Variants in ABCC3 observed in about 807,000 individuals in gnomAD.
ABCC3 encodes ATP binding cassette subfamily C member 3.
In ABCC3, 121 loss-of-function variants were observed where a neutral mutation model predicts 165.3. The observed-to-expected ratio is 0.73, with a 90% CI of 0.63 to 0.85. The LOEUF (loss-of-function observed/expected upper bound fraction) is 0.85, where lower values mean the gene tolerates loss of function less well. Ranked by LOEUF, ABCC3 falls within the 40% of genes least tolerant of loss-of-function variation. The pLI is 0.00. For synonymous variants in ABCC3, 733 were observed against 810.1 expected, an observed-to-expected ratio of 0.90 and a Z score of 1.62; for missense variants, 1,869 against 1,964.1, an observed-to-expected ratio of 0.95 and a Z score of 0.92.
intron 11 of ABCC3, among the ~76,000 whole-genome samples, chr17:50,665,720 C>T (rs1456395147): frequency 1.6e-4 from 24 of 151,944 alleles, no homozygotes; most frequent in African/African-American, 5.1e-4. Context: ...ATCTTCCTGC[C>T]TCAGCCTCCC....
Position 50,678,218 on chromosome 17 carries a change from A to G in ABCC3, c.3704A>G (p.Gln1235Arg). The G allele has an allele frequency of 6.6e-7, 1 of 1,521,444 alleles. No homozygotes were observed. The highest frequency in any genetic ancestry group is 8.8e-7 in the Non-Finnish European group (1 of 1,136,806). 94.2% of individuals were successfully genotyped at this position (1,521,444 alleles called of 1,614,324 possible). A position where few individuals can be genotyped will look rare whatever the true frequency, so the allele number is the denominator to read the frequency against. The stretch of plus-strand genomic sequence containing the variant: ...GGCCTTTCTGTGTCCTACTCCTTGC[A>G]GGTATGAAGGGCCTGGACCCCAGGG... Reference protein sequence around the residue: ...LVGLSVSYSLQVTFALNWMIR... With the variant: ...LVGLSVSYSLRVTFALNWMIR... Residue 1235 changes from glutamine to arginine, a missense_variant and splice_region_variant, in exon 25 of 31, where the codon CAG (glutamine) becomes CGG (arginine). By Grantham distance (43) the Gln-to-Arg change is conservative (BLOSUM62 1). Coordinates refer to ENST00000285238, the MANE Select transcript of ABCC3 (RefSeq NM_003786.4).
At chr17:50,657,921 T>A (rs1038168451) in intron 4 of ABCC3, among the ~76,000 whole-genome samples, 161 bp from the exon 5 acceptor site, 3 of 152,148 alleles carry the variant, frequency 2.0e-5, no homozygotes, top group Non-Finnish European at 4.4e-5. Context: ...TCCCTTGTGA[T>A]CCTTCCTCAT....
rs960010667 is a variant in ABCC3, at chr17:50,673,296, C to T, written c.2409+158C>T. 4.9e-6 allele frequency: 6 copies of T among 1,213,312 alleles called. No individual in the cohort carries two copies. In the South Asian group the frequency reaches 8.8e-5, roughly 18 times the overall value. 75.2% of individuals were successfully genotyped at this position (1,213,312 alleles called of 1,614,324 possible). A position where few individuals can be genotyped will look rare whatever the true frequency, so the allele number is the denominator to read the frequency against. On this transcript the variant is annotated intron_variant, in intron 18 of 30. Transcript: ENST00000285238. Reference sequence around the variant, plus strand: ...TCAGGAGAAACCTGTGGGGACAACTCCCCCACCTGCGAGGTTCTGAGCAGG... The same window carrying T: ...TCAGGAGAAACCTGTGGGGACAACTTCCCCACCTGCGAGGTTCTGAGCAGG...
At position 50,691,479 on chromosome 17, in the gene ABCC3, G is replaced by T; in HGVS notation, c.*279G>T. On this transcript the variant is annotated 3_prime_UTR_variant, in exon 31 of 31. Coordinates refer to ENST00000285238, the MANE Select transcript of ABCC3 (RefSeq NM_003786.4). Reference sequence around the variant, plus strand: ...CTGAGTGTTATTTGCACACTGCACTGTTTTCAAATAACGATTTTATGAAAT... The same window carrying T: ...CTGAGTGTTATTTGCACACTGCACTTTTTTCAAATAACGATTTTATGAAAT... The T allele has an allele frequency of 3.8e-6, 1 of 266,392 alleles. No individual in the cohort carries two copies. The highest frequency in any genetic ancestry group is 7.2e-6 in the Non-Finnish European group (1 of 137,990). 16.5% of individuals were successfully genotyped at this position (266,392 alleles called of 1,614,324 possible).
In ABCC3 at chr17:50,689,373, A is replaced by C. The variant is rs141308125; in HGVS notation, c.4475+1643A>C. ...CACTCCCTCATTGTGCCAGATGTCA[A>C]AGTGTGGTGCTGGAGGTCGAGGAGA... On this transcript the variant is annotated intron_variant, in intron 30 of 30. Transcript: ENST00000285238. Among the ~76,000 whole-genome samples, 249 of 152,222 alleles carry C rather than the reference A, an allele frequency of 1.6e-3. 2 individuals are homozygous for C. Among genetic ancestry groups the C allele is most frequent in the African/African-American group, 5.8e-3 (240 of 41,536 alleles).
intron 1 of ABCC3, among the ~76,000 whole-genome samples, chr17:50,638,952 A>G (rs754397828): frequency 1.3e-5 from 2 of 152,172 alleles, no homozygotes; most frequent in African/African-American, 2.4e-5. Flanking sequence ...AAGGCTATGC[A>G]TGATTAGGGC....
intron 17 of ABCC3, among the ~76,000 whole-genome samples, chr17:50,669,841 G>A (rs1967609290): frequency 6.6e-6 from 1 of 151,962 alleles, no homozygotes; most frequent in Non-Finnish European, 1.5e-5. Context: ...TGTTGCCCAG[G>A]ATGGAGTGCC....
At chr17:50,655,795 G>A in intron 1 of ABCC3, 37 bp from the exon 2 acceptor site, 1 of 1,599,124 alleles carries the variant, frequency 6.3e-7, no homozygotes, top group South Asian at 1.1e-5. Flanking sequence ...TTCTCTGTGG[G>A]GCTGCCACAG....
chr17:50,667,822 C>T, intron 12 of ABCC3, 41 bp from the exon 13 acceptor site: 2 of 1,613,694 alleles, frequency 1.2e-6, no homozygotes, highest in Non-Finnish European at 8.5e-7. Flanking sequence ...ATGGCCAGGG[C>T]TCATTGGACT....
chr17:50,644,411 T>C (rs779331923), intron 1 of ABCC3, among the ~76,000 whole-genome samples: 2 of 151,448 alleles, frequency 1.3e-5, no homozygotes, highest in South Asian at 2.1e-4. Context: ...TGAGTTGTTT[T>C]CTTAAGATGC....
chr17:50,665,455 T>C (rs749510829), intron 11 of ABCC3, among the ~76,000 whole-genome samples: 3 of 152,152 alleles, frequency 2.0e-5, no homozygotes, highest in Non-Finnish European at 4.4e-5. Context: ...GACCAACGCT[T>C]AGAGAAATAA....
rs757964885 is a variant in ABCC3, at chr17:50,675,582, G to T, written c.2715-49G>T. The T allele has an allele frequency of 3.8e-6, 6 of 1,562,030 alleles. No homozygotes were observed. In the South Asian group the frequency reaches 4.7e-5, roughly 12 times the overall value. The stretch of plus-strand genomic sequence containing the variant: ...CCCTGACACTCCCAGCCTCTGTCCT[G>T]GGGGGTGCTTGAGGCCCCCTCCCTG... On this transcript the variant is annotated intron_variant, in intron 20 of 30. Transcript: ENST00000285238.
chr17:50,687,362 C>A, intron 29 of ABCC3, 174 bp from the exon 30 acceptor site: 3 of 626,946 alleles, frequency 4.8e-6, no homozygotes, highest in Non-Finnish European at 8.3e-6. Context: ...CCCTCATTAT[C>A]CCAATGGTGT....
intron 23 of ABCC3, 125 bp from the exon 24 acceptor site, chr17:50,677,619 G>A (rs1185085411): frequency 2.2e-5 from 20 of 923,182 alleles, no homozygotes; most frequent in Admixed American, 4.4e-5. Flanking sequence ...GGAAGGCAGC[G>A]ATGTCTCGTG....
At chr17:50,653,294 C>T (rs1262855064) in intron 1 of ABCC3, among the ~76,000 whole-genome samples, 2 of 140,684 alleles carry the variant, frequency 1.4e-5, no homozygotes, top group African/African-American at 2.7e-5. Flanking sequence ...TGCAGTGAAC[C>T]GAGATCACGC....
chr17:50,669,679 C>A (rs1237689873), intron 17 of ABCC3, 151 bp downstream of exon 17: 9 of 805,640 alleles, frequency 1.1e-5, no homozygotes, highest in Non-Finnish European at 1.7e-5. Flanking sequence ...GATCTATTAG[C>A]AGATCTGTTT....
At chr17:50,655,556 T>C (rs1303644400) in intron 1 of ABCC3, among the ~76,000 whole-genome samples, 1 of 152,096 alleles carries the variant, frequency 6.6e-6, no homozygotes, top group Non-Finnish European at 1.5e-5. Context: ...ACTCACTGAT[T>C]GTACACTTTA....
chr17:50,667,751 C>T lies in ABCC3; in HGVS notation c.1629C>T (p.Pro543=), dbSNP rs746587623. ...TTTTFTWMCS[P]FLVTLITLWV... ...CCACCTTCACCTGGATGTGCAGCCC[C>T]TTCCTGGTGAGGCTTGGCACAGGGC... The change falls in exon 12 of 31, where the codon CCC becomes CCT. Residue 543 remains proline, a synonymous_variant. Coordinates refer to ENST00000285238, the MANE Select transcript of ABCC3 (RefSeq NM_003786.4). 6.2e-7 allele frequency: 1 copy of T among 1,614,106 alleles called. No homozygotes were observed. Among genetic ancestry groups the T allele is most frequent in the Admixed American group, 1.7e-5 (1 of 60,030 alleles).
At position 50,669,539 on chromosome 17, in the gene ABCC3, C is replaced by G; in HGVS notation, c.2241+11C>G. ...GAGATTGGAGAGAAGGTACAGAGTC[C>G]TCTTCCATCCCTAAGAGGCTAGGGC... is the stretch of plus-strand genomic sequence containing the variant. On this transcript the variant is annotated intron_variant, in intron 17 of 30. Transcript: ENST00000285238. 6.2e-7 allele frequency: 1 copy of G among 1,613,084 alleles called. No homozygotes were observed. Among genetic ancestry groups the G allele is most frequent in the Non-Finnish European group, 8.5e-7 (1 of 1,179,168 alleles).
Sources: allele counts gnomAD v4.1 joint callset (sites outside exome capture counted in the v4.1 genomes callset), GRCh38; gene constraint gnomAD v4.1.1; transcripts MANE v1.5; gene names NCBI Gene and HGNC (gene_info 2026-07-23, HGNC 2026-07-21).